RNF123: variants seen among roughly 807,000 people sequenced by gnomAD.
RNF123 encodes E3 ubiquitin-protein ligase RNF123.
In RNF123, 86 loss-of-function variants were observed where a neutral mutation model predicts 168.5. That is an observed-to-expected ratio of 0.51 (90% confidence interval 0.43 to 0.61). The LOEUF (loss-of-function observed/expected upper bound fraction) is 0.61, where lower values mean the gene tolerates loss of function less well. Ranked by LOEUF, RNF123 falls within the 20% of genes least tolerant of loss-of-function variation. RNF123 has a pLI of 0.00. For synonymous variants in RNF123, 666 were observed against 689.1 expected (o/e 0.97, Z 0.52); for missense variants, 1,419 against 1,729.7 (o/e 0.82, Z 3.19).
At chr3:49,705,367 G>A (rs1425938667) in intron 23 of RNF123, among the ~76,000 whole-genome samples, 167 bp from the exon 24 acceptor site, 1 of 152,202 alleles carries the variant, frequency 6.6e-6, no homozygotes, top group Non-Finnish European at 1.5e-5. Context: ...TCCTGGCACC[G>A]CAGGCCTTGC....
In RNF123 at chr3:49,720,658, G is replaced by A; in HGVS notation, c.3643+5G>A. The A allele has an allele frequency of 6.3e-7, 1 of 1,596,594 alleles. No homozygotes were observed. On this transcript the variant is annotated splice_donor_5th_base_variant and intron_variant, in intron 36 of 38. Transcript: ENST00000327697. ...AGCGCTTCTCCCTGCAGAGCTGTGA[G>A]TGGGCTGGTGGGGCAGGTCAGGGAA...
At chr3:49,697,492 G>C (rs774550071) in intron 5 of RNF123, 35 bp downstream of exon 5, 1 of 1,505,832 alleles carries the variant, frequency 6.6e-7, no homozygotes, top group Non-Finnish European at 9.0e-7. Flanking sequence ...CCCAGGTCCA[G>C]CCCCTTCTGA....
At chr3:49,690,401 G>C (rs903611245) in intron 1 of RNF123, among the ~76,000 whole-genome samples, 3 of 152,226 alleles carry the variant, frequency 2.0e-5, no homozygotes. Context: ...TGCTGTGTTG[G>C]ACAGCACCGC....
rs1464696376 is a variant in RNF123, at chr3:49,701,793, C to T, written c.1396-18C>T. On this transcript the variant is annotated intron_variant, in intron 16 of 38. Coordinates refer to ENST00000327697, the MANE Select transcript of RNF123 (RefSeq NM_022064.5). Reference sequence around the variant, plus strand: ...TCCCAGGTGACCCTGCTGTATTCCACCTGCTACCCCTGCCTAGGGCAAAGA... The same window carrying T: ...TCCCAGGTGACCCTGCTGTATTCCATCTGCTACCCCTGCCTAGGGCAAAGA... 6.4e-7 allele frequency: 1 copy of T among 1,562,236 alleles called. No homozygotes were observed. Among genetic ancestry groups the T allele is most frequent in the Non-Finnish European group, 8.7e-7 (1 of 1,152,594 alleles).
Position 49,715,660 on chromosome 3 carries a change from C to T in RNF123, c.3096C>T (p.Ser1032=), listed in dbSNP as rs552386360. ...GPDVAPSFLN[S]VLNQLNWAFS... Reference sequence around the variant, plus strand: ...ATGTGGCACCCAGCTTCCTCAACAGCGTCCTCAATCAGCTCAACTGGGCCT... The same window carrying T: ...ATGTGGCACCCAGCTTCCTCAACAGTGTCCTCAATCAGCTCAACTGGGCCT... Residue 1032 remains serine, a synonymous_variant, in exon 32 of 39, where the codon AGC becomes AGT. Transcript: ENST00000327697. The T allele has an allele frequency of 7.4e-6, 12 of 1,614,220 alleles. No individual in the cohort carries two copies. The highest frequency in any genetic ancestry group is 4.5e-5 in the East Asian group (2 of 44,874).
intron 35 of RNF123, chr3:49,718,164 TGAG>T: frequency 6.2e-7 from 1 of 1,613,180 alleles, no homozygotes; most frequent in Non-Finnish European, 8.5e-7. Flanking sequence ...TGCTGAGTAC[TGAG>T]GACTGTGCGC....
chr3:49,697,499 C>T (rs759445536), intron 5 of RNF123, 42 bp downstream of exon 5: 1 of 1,456,738 alleles, frequency 6.9e-7, no homozygotes. Context: ...CCAGCCCCTT[C>T]TGACATAGCC....
intron 21 of RNF123, 114 bp from the exon 22 acceptor site, chr3:49,704,536 G>A (rs1004205565): frequency 4.9e-6 from 4 of 819,826 alleles, no homozygotes; most frequent in South Asian, 1.7e-5. Context: ...GTGCTAAACC[G>A]GGCTCTGCAA....
At chr3:49,711,541 G>A (rs2080145177) in intron 26 of RNF123, among the ~76,000 whole-genome samples, 1 of 152,058 alleles carries the variant, frequency 6.6e-6, no homozygotes, top group Non-Finnish European at 1.5e-5. Context: ...CAGGATCATC[G>A]CTGCCTAGGT....
At chr3:49,717,827 A>G in intron 35 of RNF123, 1 of 1,081,038 alleles carries the variant, frequency 9.3e-7, no homozygotes, top group Non-Finnish European at 1.3e-6. Flanking sequence ...TTCGAGGCCC[A>G]TACAGGAAGC....
At chr3:49,720,736 G>C in intron 36 of RNF123, 64 bp from the exon 37 acceptor site, 1 of 1,611,044 alleles carries the variant, frequency 6.2e-7, no homozygotes, top group South Asian at 1.1e-5. Context: ...TCCTAGGCTG[G>C]GAATATTCAA....
intron 2 of RNF123, 21 bp from the exon 3 acceptor site, chr3:49,691,404 C>G: frequency 6.2e-7 from 1 of 1,613,764 alleles, no homozygotes; most frequent in Non-Finnish European, 8.5e-7. Context: ...GCCCTTTTCT[C>G]CCTTCTGACT....
In RNF123 at chr3:49,702,698, G is replaced by A. The variant is rs1381668801; in HGVS notation, c.1695G>A (p.Leu565=). ...VCFLHRLISA[L]RYYWDEYKAS... ...TCTTACACCGGCTGATCTCTGCCCT[G>A]CGCTACTATTGGGATGAATACAAGG... is the stretch of plus-strand genomic sequence containing the variant. Residue 565 remains leucine, a synonymous_variant, in exon 20 of 39, where the codon CTG becomes CTA. Coordinates refer to ENST00000327697, the MANE Select transcript of RNF123 (RefSeq NM_022064.5). The A allele has an allele frequency of 1.2e-6, 2 of 1,614,228 alleles. No homozygotes were observed. The highest frequency in any genetic ancestry group is 1.7e-6 in the Non-Finnish European group (2 of 1,180,034).
Position 49,718,057 on chromosome 3 carries a change from A to T in RNF123, c.3500+1580A>T, listed in dbSNP as rs143695343. ...GAGATCGAATTCCTCAGCTACTGCCAGCTGCACGCGGCCATTGAGGCCCCT... is the reference window on the plus strand; with the variant it reads ...GAGATCGAATTCCTCAGCTACTGCCTGCTGCACGCGGCCATTGAGGCCCCT... On this transcript the variant is annotated intron_variant, in intron 35 of 38. Coordinates refer to ENST00000327697, the MANE Select transcript of RNF123 (RefSeq NM_022064.5). 8.7e-6 allele frequency: 14 copies of T among 1,613,538 alleles called. No individual in the cohort carries two copies. Among genetic ancestry groups the T allele is most frequent in the African/African-American group, 1.3e-5 (1 of 74,950 alleles).
At chr3:49,720,007 C>T (rs1411236528) in intron 35 of RNF123, 1 of 159,480 alleles carries the variant, frequency 6.3e-6, no homozygotes, top group African/African-American at 2.4e-5. Context: ...AGGTGGTTCG[C>T]CTGAGCCTTC....
At chr3:49,690,728 C>T (rs149527081) in intron 1 of RNF123, among the ~76,000 whole-genome samples, 1,771 of 152,302 alleles carry the variant, frequency 0.012, 37 homozygotes, top group African/African-American at 0.04. Context: ...GTAGGATTGT[C>T]GCTTCTGGTT....
At chr3:49,693,129 A>T (rs2108173657) in intron 3 of RNF123, among the ~76,000 whole-genome samples, 1 of 151,876 alleles carries the variant, frequency 6.6e-6, no homozygotes, top group South Asian at 2.1e-4. Context: ...GCTCACTGCA[A>T]GCTCCGCCTC....
intron 21 of RNF123, 67 bp downstream of exon 21, chr3:49,703,595 C>G: frequency 7.4e-7 from 1 of 1,347,346 alleles, no homozygotes; most frequent in South Asian, 1.3e-5. Context: ...TGAGCCTGCT[C>G]TGCTGTGGAT....
chr3:49,698,934 C>G (rs768150972), intron 9 of RNF123, 46 bp from the exon 10 acceptor site: 3 of 1,608,560 alleles, frequency 1.9e-6, no homozygotes, highest in East Asian at 4.5e-5. Flanking sequence ...TGAGGGTGGG[C>G]AGCCACATGC....
Sources: allele counts gnomAD v4.1 joint callset (sites outside exome capture counted in the v4.1 genomes callset), GRCh38; gene constraint gnomAD v4.1.1; transcripts MANE v1.5; gene names NCBI Gene and HGNC (gene_info 2026-07-23, HGNC 2026-07-21).